The following SP110 variants were observed in gnomAD, a reference collection of about 807,000 sequenced individuals.
The protein encoded by SP110 is SP110 nuclear body protein.
A neutral mutation model predicts 92.7 loss-of-function variants in SP110; 62 were observed. That is an observed-to-expected ratio of 0.67 (90% confidence interval 0.55 to 0.83). The LOEUF (loss-of-function observed/expected upper bound fraction) is 0.83. Ranked by LOEUF, SP110 falls within the 40% of genes least tolerant of loss-of-function variation. SP110 has a pLI of 0.00. For synonymous variants in SP110, 273 were observed against 305.3 expected (o/e 0.89, Z 1.10); for missense variants, 793 against 863.9 (o/e 0.92, Z 1.03).
At chr2:230,212,493 G>C in intron 4 of SP110, 63 bp from the exon 5 acceptor site, 1 of 1,323,288 alleles carries the variant, frequency 7.6e-7, no homozygotes, top group South Asian at 1.2e-5. Flanking sequence ...AAGAGTGAAT[G>C]TTAAAAGTGC....
chr2:230,214,994 C>T lies in SP110; in HGVS notation c.272G>A (p.Arg91His), dbSNP rs779122774. ...AATCGTCACCAGATTGGGATATTCACGCAGGTTAATTTGACTGAACAATGT... is the reference window on the plus strand; with the variant it reads ...AATCGTCACCAGATTGGGATATTCATGCAGGTTAATTTGACTGAACAATGT... ...LVTLFSQINL[R>H]EYPNLVTIYR... is the part of the protein sequence containing the mutation. The change falls in exon 3 of 19, where the codon CGT becomes CAT. Residue 91 changes from arginine (R) to histidine (H), a missense_variant. By Grantham distance (29) the Arg-to-His change is conservative. Transcript: ENST00000258381. The T allele has an allele frequency of 1.5e-5, 25 of 1,613,996 alleles. No individual in the cohort carries two copies. The highest frequency in any genetic ancestry group is 6.7e-5 in the African/African-American group (5 of 75,044).
chr2:230,166,172 C>T lies in SP110; in HGVS notation c.*2952G>A, dbSNP rs565973847. Among the ~76,000 whole-genome samples the T allele has an allele frequency of 3.3e-5, 5 of 152,238 alleles. No homozygotes were observed. Among genetic ancestry groups the T allele is most frequent in the Non-Finnish European group, 5.9e-5 (4 of 67,994 alleles). On this transcript the variant is annotated 3_prime_UTR_variant, in exon 19 of 19. Transcript: ENST00000258381. ...CTCCCAAAGTGCTGGGATTACAGGC[C>T]TGAGCCACTGCGCCTGGCAGACCAC... is the stretch of plus-strand genomic sequence containing the variant.
At chr2:230,176,530 CT>C in intron 14 of SP110, 1 of 1,579,954 alleles carries the variant, frequency 6.3e-7, no homozygotes, top group South Asian at 1.2e-5. Flanking sequence ...CCCAAATTAA[CT>C]ATGCAAATTA....
intron 8 of SP110, among the ~76,000 whole-genome samples, chr2:230,206,450 T>TA (rs1237914610): frequency 1.3e-5 from 2 of 151,656 alleles, no homozygotes; most frequent in Admixed American, 1.3e-4. Context: ...CTTGCTAGAT[T>TA]CCTCTTCCAC....
At chr2:230,169,313 G>C (rs1413839859) in intron 18 of SP110, 76 bp from the exon 19 acceptor site, 15 of 938,810 alleles carry the variant, frequency 1.6e-5, no homozygotes, top group Non-Finnish European at 3.5e-6. Flanking sequence ...ACTTTTTTTT[G>C]TGTTTTTGTT....
intron 11 of SP110, among the ~76,000 whole-genome samples, chr2:230,185,008 A>G (rs2042291565): frequency 6.6e-6 from 1 of 152,230 alleles, no homozygotes; most frequent in Non-Finnish European, 1.5e-5. Flanking sequence ...GGCAGAGTCG[A>G]GTAGTTGCAT....
At chr2:230,182,736 T>A (rs1207377758) in intron 12 of SP110, among the ~76,000 whole-genome samples, 2 of 152,158 alleles carry the variant, frequency 1.3e-5, no homozygotes, top group African/African-American at 2.4e-5. Context: ...TTTCTGTGTG[T>A]GTGAATCCAT....
rs1202341432 is a variant in SP110 at position 230,167,625 on chromosome 2, G to A, written c.*1499C>T. On this transcript the variant is annotated 3_prime_UTR_variant, in exon 19 of 19. Coordinates refer to ENST00000258381, the MANE Select transcript of SP110 (RefSeq NM_080424.4). ...CCCAAGCAACATTCTCCTTTGAAAT[G>A]TGACTTTGCCACCCATCGCATCAAG... 1 of 152,134 alleles carries A rather than the reference G, an allele frequency of 6.6e-6. No individual in the cohort carries two copies. Among genetic ancestry groups the A allele is most frequent in the African/African-American group, 2.4e-5 (1 of 41,430 alleles). The allele number at this position is 152,134 out of a possible 1,614,324, so 9.4% of individuals were successfully genotyped here.
chr2:230,198,098 A>G (rs1048105864), intron 10 of SP110, among the ~76,000 whole-genome samples: 1 of 143,958 alleles, frequency 6.9e-6, no homozygotes, highest in African/African-American at 2.7e-5. Context: ...AGTTCTCTGT[A>G]GGACAATAGG....
At position 230,169,038 on chromosome 2, in the gene SP110, C is replaced by A; in HGVS notation, c.*86G>T. The A allele has an allele frequency of 1.1e-6, 1 of 898,120 alleles. No homozygotes were observed. Among genetic ancestry groups the A allele is most frequent in the Non-Finnish European group, 1.9e-6 (1 of 531,328 alleles). 55.6% of individuals were successfully genotyped at this position (898,120 alleles called of 1,614,324 possible). A position where few individuals can be genotyped will look rare whatever the true frequency, so the allele number is the denominator to read the frequency against. On this transcript the variant is annotated 3_prime_UTR_variant, in exon 19 of 19. Transcript: ENST00000258381. ...GTCCTGAGGGCAGCCAATTACATCCCAGACTCACTGGCAATCAACAGTCCA... is the reference window on the plus strand; with the variant it reads ...GTCCTGAGGGCAGCCAATTACATCCAAGACTCACTGGCAATCAACAGTCCA...
intron 11 of SP110, 39 bp downstream of exon 11, chr2:230,185,955 T>A: frequency 6.3e-7 from 1 of 1,583,762 alleles, no homozygotes; most frequent in Non-Finnish European, 8.7e-7. Context: ...CCCTCCTACA[T>A]TGAGCTATTC....
intron 8 of SP110, among the ~76,000 whole-genome samples, chr2:230,205,070 G>A (rs905462389): frequency 1.3e-5 from 2 of 152,124 alleles, no homozygotes; most frequent in Non-Finnish European, 2.9e-5. Flanking sequence ...GGCAATAGGA[G>A]GCCATGGACA....
chr2:230,217,008 G>A, intron 1 of SP110, 80 bp from the exon 2 acceptor site: 4 of 1,196,876 alleles, frequency 3.3e-6, no homozygotes, highest in Non-Finnish European at 4.8e-6. Context: ...CACTTTGGGA[G>A]GCCGAGGTGG....
intron 17 of SP110, 183 bp downstream of exon 17, chr2:230,171,513 G>T: frequency 1.5e-6 from 1 of 648,494 alleles, no homozygotes. Flanking sequence ...GTGGGGTGGA[G>T]TTTGAACCAG....
intron 4 of SP110, 52 bp from the exon 5 acceptor site, chr2:230,212,482 G>T: frequency 7.1e-7 from 1 of 1,403,368 alleles, no homozygotes; most frequent in Non-Finnish European, 1.0e-6. Flanking sequence ...ATGTCAGGGA[G>T]AAGAGTGAAT....
intron 10 of SP110, among the ~76,000 whole-genome samples, chr2:230,196,657 G>C (rs930050339): frequency 6.6e-6 from 1 of 151,612 alleles, no homozygotes; most frequent in Non-Finnish European, 1.5e-5. Context: ...TCGTCATTTA[G>C]CATTAGGTAT....
chr2:230,205,775 C>T (rs1271950512), intron 8 of SP110, among the ~76,000 whole-genome samples: 3 of 152,176 alleles, frequency 2.0e-5, no homozygotes, highest in East Asian at 1.9e-4. Flanking sequence ...CAAACAAAGA[C>T]GCCCAGTGTG....
intron 10 of SP110, among the ~76,000 whole-genome samples, chr2:230,200,173 A>G (rs971686868): frequency 6.6e-6 from 1 of 152,214 alleles, no homozygotes; most frequent in Non-Finnish European, 1.5e-5. Flanking sequence ...TCCTGACAAT[A>G]ATTAGATATT....
Position 230,202,434 on chromosome 2 carries a change from G to T in SP110, c.1048+145C>A, listed in dbSNP as rs562524185. 9.5e-6 allele frequency: 7 copies of T among 734,936 alleles called. 1 individual carries two copies. The highest frequency in any genetic ancestry group is 3.6e-5 in the South Asian group (2 of 55,514). 45.5% of individuals were successfully genotyped at this position (734,936 alleles called of 1,614,324 possible). ...GATGCAACAGATGCTTGCTCTCTTT[G>T]TTCCTCTTGTTATACCCCATCCTCA... On this transcript the variant is annotated intron_variant, in intron 9 of 18. Transcript: ENST00000258381.
Sources: allele counts gnomAD v4.1 joint callset (sites outside exome capture counted in the v4.1 genomes callset), GRCh38; gene constraint gnomAD v4.1.1; transcripts MANE v1.5; gene names NCBI Gene and HGNC (gene_info 2026-07-23, HGNC 2026-07-21).